The following MYH4 variants were observed in gnomAD, a reference collection of about 807,000 sequenced individuals.
The protein encoded by MYH4 is myosin heavy chain 4.
A neutral mutation model predicts 229.9 loss-of-function variants in MYH4; 200 were observed. The ratio of observed to expected loss-of-function variants is 0.87; its 90% CI spans 0.78 to 0.98. The LOEUF (loss-of-function observed/expected upper bound fraction) is 0.98. Among genes scored for constraint, MYH4 ranks in the 50% least tolerant of loss-of-function variants. The pLI is 0.00. For synonymous variants in MYH4, 761 were observed against 834.6 expected, an observed-to-expected ratio of 0.91 and a Z score of 1.52; for missense variants, 2,148 against 2,332.6, an observed-to-expected ratio of 0.92 and a Z score of 1.63.
chr17:10,468,835 G>A lies in MYH4; in HGVS notation c.-40+453C>T, dbSNP rs553660951. Among the ~76,000 whole-genome samples, 15 of 152,266 alleles carry A rather than the reference G, an allele frequency of 9.9e-5. 1 individual carries two copies. In the South Asian group the frequency reaches 1.7e-3, roughly 17 times the overall value. The stretch of plus-strand genomic sequence containing the variant: ...GGTACTGGGACATGAGTCCTGTTCC[G>A]CTAAATGCAGGTTTGTTAATTCCAC... On this transcript the variant is annotated intron_variant, in intron 2 of 39. Transcript: ENST00000255381.
Position 10,455,157 on chromosome 17 carries a change from T to C in MYH4, c.2298+15A>G. 1.2e-6 allele frequency: 2 copies of C among 1,614,114 alleles called. No individual in the cohort carries two copies. The highest frequency in any genetic ancestry group is 1.7e-6 in the Non-Finnish European group (2 of 1,179,992). On this transcript the variant is annotated intron_variant, in intron 20 of 39. Transcript: ENST00000255381. ...TGATAGAATTATGACAGATAGAAAT[T>C]TGGACTGGTGATACCTTGGTATGAC...
At position 10,450,544 on chromosome 17, in the gene MYH4, C is replaced by T; in HGVS notation, c.4090G>A (p.Gly1364Arg). 6.2e-7 allele frequency: 1 copy of T among 1,614,164 alleles called. No homozygotes were observed. Among genetic ancestry groups the T allele is most frequent in the Non-Finnish European group, 8.5e-7 (1 of 1,180,020 alleles). Residue 1364 changes from glycine (G) to arginine (R), a missense_variant, in exon 30 of 40, where the codon GGA becomes AGA. Transcript: ENST00000255381. ...ACCTCACTGTTGGCCTTGGACATTC[C>T]CCTCTGCAGCTCAGCCTTGGCTTCC... ...EQEAKAELQR[G>R]MSKANSEVAQ...
At position 10,454,508 on chromosome 17, in the gene MYH4, C is replaced by T. The variant is rs78433324; in HGVS notation, c.2691+47G>A. The T allele has an allele frequency of 4.5e-3, 7,089 of 1,582,204 alleles. 40 individuals are homozygous for T. The highest frequency in any genetic ancestry group is 0.014 in the African/African-American group (1,044 of 73,404). ...TCAGTGGAAACCATTCATTTTAAAA[C>T]GTTAAAAGTAATAAGATGTGGCTGA... On this transcript the variant is annotated intron_variant, in intron 22 of 39. Transcript: ENST00000255381.
intron 17 of MYH4, 151 bp downstream of exon 17, chr17:10,456,333 TA>T: frequency 1.6e-6 from 1 of 620,646 alleles, no homozygotes; most frequent in East Asian, 2.9e-5. Flanking sequence ...CTAAGCCATT[TA>T]AAAAGTTTAC....
At chr17:10,451,695 G>A (rs1240017119) in intron 27 of MYH4, among the ~76,000 whole-genome samples, 2 of 152,058 alleles carry the variant, frequency 1.3e-5, no homozygotes, top group African/African-American at 4.8e-5. Context: ...TTAGAGTATG[G>A]TTTTTAGATA....
At chr17:10,451,808 G>A in intron 27 of MYH4, 133 bp downstream of exon 27, 1 of 1,124,050 alleles carries the variant, frequency 8.9e-7, no homozygotes, top group South Asian at 1.6e-5. Flanking sequence ...ATACAATAAT[G>A]TGTACTAGGA....
rs574472064 is a variant in MYH4, at chr17:10,448,121, A to G, written c.4662T>C (p.Ser1554=). 2.5e-6 allele frequency: 4 copies of G among 1,607,078 alleles called. No individual in the cohort carries two copies. The African/African-American group carries it at 5.4e-5, about 22-fold the overall frequency. ...LQTSLEEAEA[S]LEHEEGKILR... ...GAATTTTGCCTTCTTCATGCTCAAG[A>G]GATGCCTTAATAAAAGCAACATTTA... Residue 1554 remains serine, a synonymous_variant, in exon 34 of 40, where the codon TCT becomes TCC. Transcript: ENST00000255381.
chr17:10,445,944 C>T (rs776376125), intron 35 of MYH4, among the ~76,000 whole-genome samples: 5 of 138,424 alleles, frequency 3.6e-5, no homozygotes, highest in Middle Eastern at 3.8e-3. Context: ...AGGAGAATGG[C>T]GTGAACATGG....
At position 10,450,234 on chromosome 17, in the gene MYH4, T is replaced by C. The variant is rs1012954582; in HGVS notation, c.4181+219A>G. 4.6e-5 allele frequency among the ~76,000 whole-genome samples: 7 copies of C among 152,226 alleles called. 1 individual carries two copies. On this transcript the variant is annotated intron_variant, in intron 30 of 39. Coordinates refer to ENST00000255381, the MANE Select transcript of MYH4 (RefSeq NM_017533.2). ...TTGGTGGAAAGAAATTTAAGATGCTTCTGGACAAGAATGGGTGGAGGGATC... is the reference window on the plus strand; with the variant it reads ...TTGGTGGAAAGAAATTTAAGATGCTCCTGGACAAGAATGGGTGGAGGGATC...
chr17:10,463,819 G>A (rs1388076826), intron 7 of MYH4, among the ~76,000 whole-genome samples, 176 bp from the exon 8 acceptor site: 1 of 152,166 alleles, frequency 6.6e-6, no homozygotes, highest in Non-Finnish European at 1.5e-5. Context: ...CCAGTGATGT[G>A]GTCTTGATTT....
rs2072674319 is a variant in MYH4, at chr17:10,459,237, A to G, written c.1587+14T>C. ...TGGTTTTCATGTTTTGAAAGCTAGA[A>G]AAGTCATATGAACCTTCTCGATGAG... On this transcript the variant is annotated intron_variant, in intron 15 of 39. Transcript: ENST00000255381. 1 of 1,613,862 alleles carries G rather than the reference A, an allele frequency of 6.2e-7. No homozygotes were observed. The highest frequency in any genetic ancestry group is 8.5e-7 in the Non-Finnish European group (1 of 1,179,920).
In MYH4 at chr17:10,460,241, C is replaced by T. The variant is rs371420534; in HGVS notation, c.1228G>A (p.Gly410Ser). The T allele has an allele frequency of 1.2e-5, 20 of 1,614,042 alleles. No homozygotes were observed. Among genetic ancestry groups the T allele is most frequent in the Non-Finnish European group, 1.7e-5 (20 of 1,179,944 alleles). ...TGGCCTTTGGTTACGAACTCATTGC[C>T]GACCTTGACTCTGGGATAGCAGAGA... ...KSLCYPRVKV[G>S]NEFVTKGQTV... Residue 410 changes from glycine to serine, a missense_variant, in exon 13 of 40, where the codon GGC becomes AGC. By Grantham distance (56) the Gly-to-Ser change is moderately conservative. Coordinates refer to ENST00000255381, the MANE Select transcript of MYH4 (RefSeq NM_017533.2).
chr17:10,466,172 G>T, intron 4 of MYH4, 101 bp downstream of exon 4: 1 of 1,365,886 alleles, frequency 7.3e-7, no homozygotes, highest in Non-Finnish European at 1.0e-6. Context: ...GGTCATAAAA[G>T]AACAGTTCAA....
chr17:10,459,360 T>C lies in MYH4; in HGVS notation c.1478A>G (p.Asn493Ser), dbSNP rs1395341095. Residue 493 changes from asparagine to serine, a missense_variant, in exon 15 of 40, where the codon AAC (asparagine) becomes AGC (serine). Asn to Ser is a conservative substitution (Grantham distance 46, BLOSUM62 1). Transcript: ENST00000255381. ...CTGCTCCAGCACGAACATGTGGTGGTTGAAAAACTGTTGCAGTTTCTCGTT... is the reference window on the plus strand; with the variant it reads ...CTGCTCCAGCACGAACATGTGGTGGCTGAAAAACTGTTGCAGTTTCTCGTT... ...FTNEKLQQFF[N>S]HHMFVLEQEE... The C allele has an allele frequency of 6.2e-7, 1 of 1,614,170 alleles. No individual in the cohort carries two copies. Among genetic ancestry groups the C allele is most frequent in the Non-Finnish European group, 8.5e-7 (1 of 1,180,004 alleles).
intron 35 of MYH4, among the ~76,000 whole-genome samples, chr17:10,446,627 T>A (rs1401218305): frequency 6.6e-6 from 1 of 152,252 alleles, no homozygotes; most frequent in African/African-American, 2.4e-5. Flanking sequence ...GAGGTTAGCA[T>A]TCTGTGCATA....
At position 10,453,861 on chromosome 17, in the gene MYH4, C is replaced by T. The variant is rs966567437; in HGVS notation, c.2716G>A (p.Glu906Lys). 3.2e-5 allele frequency: 52 copies of T among 1,614,012 alleles called. No individual in the cohort carries two copies. The East Asian group carries it at 9.6e-4, about 30-fold the overall frequency. The stretch of plus-strand genomic sequence containing the variant: ...TTAATCAACTGATCACATCTTTCCT[C>T]TGCATCAGCCAAGGCATCTGCTTCC... ...QAEADALADA[E>K]ERCDQLIKTK... Residue 906 changes from glutamate (E) to lysine (K), a missense_variant, in exon 23 of 40, where the codon GAG becomes AAG. By Grantham distance (56) the Glu-to-Lys change is moderately conservative (BLOSUM62 1). Transcript: ENST00000255381.
At chr17:10,459,153 C>G in intron 15 of MYH4, 98 bp downstream of exon 15, 1 of 1,583,032 alleles carries the variant, frequency 6.3e-7, no homozygotes, top group Non-Finnish European at 8.7e-7. Flanking sequence ...TGTCAGGAAA[C>G]AGCACTGCTT....
intron 14 of MYH4, 52 bp downstream of exon 14, chr17:10,459,900 G>A: frequency 6.2e-7 from 1 of 1,612,500 alleles, no homozygotes; most frequent in South Asian, 1.1e-5. Flanking sequence ...GATTTTGTAT[G>A]CTCTAACAAG....
At chr17:10,452,670 G>A in intron 25 of MYH4, 117 bp downstream of exon 25, 1 of 1,330,558 alleles carries the variant, frequency 7.5e-7, no homozygotes, top group East Asian at 2.3e-5. Context: ...AAAGGTCAAA[G>A]ATGTCATTAT....
Sources: gnomAD v4.1 joint callset for allele counts (sites outside exome capture counted in the v4.1 genomes callset) on GRCh38, gnomAD v4.1.1 for gene constraint, MANE v1.5 for transcripts, NCBI Gene and HGNC (gene_info 2026-07-23, HGNC 2026-07-21) for gene names.